Variants in TBC1D22A observed in about 807,000 individuals in gnomAD.
The protein encoded by TBC1D22A is putative GTPase activator.
A neutral mutation model predicts 60.2 loss-of-function variants in TBC1D22A; 38 were observed. The observed-to-expected ratio is 0.63, with a 90% CI of 0.49 to 0.83. The LOEUF (loss-of-function observed/expected upper bound fraction) is 0.83. TBC1D22A is among the 40% of genes least tolerant of loss of function. TBC1D22A has a pLI of 0.00. For missense variants in TBC1D22A, 628 were observed against 701.0 expected (o/e 0.90, Z 1.18); for synonymous variants, 302 against 281.7 (o/e 1.07, Z -0.72).
chr22:46,905,595 G>A (rs958045260), intron 7 of TBC1D22A, among the ~76,000 whole-genome samples: 44 of 152,342 alleles, frequency 2.9e-4, no homozygotes, highest in African/African-American at 9.4e-4. Context: ...GTCGGTTGGC[G>A]GGTGGGGGAC....
chr22:46,974,559 C>CT (rs1569293742), intron 9 of TBC1D22A, among the ~76,000 whole-genome samples, 160 bp downstream of exon 9: 3 of 152,178 alleles, frequency 2.0e-5, no homozygotes, highest in Non-Finnish European at 4.4e-5. Context: ...TCCGGGTTGA[C>CT]GAGGGGTGAG....
rs1486916956 is a variant in TBC1D22A, at chr22:46,763,160, T to A, written c.62+312T>A. ...GGAGGCTGGAAGGAACTGATTCGGG[T>A]CATGCTGTGAAGTTTGGTGGAGTCC... On this transcript the variant is annotated intron_variant, in intron 1 of 12. Transcript: ENST00000337137. 1.7e-5 allele frequency: 6 copies of A among 351,770 alleles called. No homozygotes were observed. The East Asian group carries it at 2.9e-4, about 17-fold the overall frequency. The allele number at this position is 351,770 out of a possible 1,614,324, so 21.8% of individuals were successfully genotyped here.
intron 7 of TBC1D22A, among the ~76,000 whole-genome samples, chr22:46,906,886 T>C (rs2069519005): frequency 6.6e-6 from 1 of 151,988 alleles, no homozygotes; most frequent in Admixed American, 6.6e-5. Context: ...ATGGGCTCTT[T>C]CCTGCGTGTG....
At chr22:47,022,310 G>C (rs773240097) in intron 10 of TBC1D22A, among the ~76,000 whole-genome samples, 3 of 152,166 alleles carry the variant, frequency 2.0e-5, no homozygotes, top group Admixed American at 1.3e-4. Context: ...CAGGACATAA[G>C]GCAGCCGGGC....
chr22:47,020,610 G>C (rs1331984981), intron 10 of TBC1D22A, among the ~76,000 whole-genome samples: 1 of 151,928 alleles, frequency 6.6e-6, no homozygotes, highest in Non-Finnish European at 1.5e-5. Flanking sequence ...TGGAGTTTGG[G>C]GGAATCCTGA....
chr22:46,900,005 G>T (rs932129929), intron 7 of TBC1D22A, among the ~76,000 whole-genome samples: 1 of 150,560 alleles, frequency 6.6e-6, no homozygotes, highest in African/African-American at 2.4e-5. Flanking sequence ...ACAGGTGATG[G>T]CTGGGTCCAC....
At chr22:47,099,332 G>A (rs1244777601) in intron 11 of TBC1D22A, among the ~76,000 whole-genome samples, 2 of 152,228 alleles carry the variant, frequency 1.3e-5, no homozygotes, top group Non-Finnish European at 1.5e-5. Flanking sequence ...GGGGTTGGAG[G>A]AGCCAGGGAG....
At chr22:46,808,966 G>T (rs1465942063) in intron 4 of TBC1D22A, among the ~76,000 whole-genome samples, 2 of 152,194 alleles carry the variant, frequency 1.3e-5, no homozygotes, top group Admixed American at 6.5e-5. Context: ...TGTTCAAATT[G>T]GTCCTAAAGA....
chr22:47,061,681 T>A (rs2063584139), intron 11 of TBC1D22A, among the ~76,000 whole-genome samples: 1 of 152,156 alleles, frequency 6.6e-6, no homozygotes, highest in Admixed American at 6.5e-5. Flanking sequence ...ATCTAGAGAT[T>A]TAGCCAGGAT....
intron 10 of TBC1D22A, among the ~76,000 whole-genome samples, chr22:47,031,282 C>G (rs1338322374): frequency 6.6e-6 from 1 of 152,198 alleles, no homozygotes; most frequent in African/African-American, 2.4e-5. Context: ...GCTTGGAGCC[C>G]GAAGGCTGGA....
chr22:46,789,474 G>A (rs980689590), intron 1 of TBC1D22A: 1 of 358,306 alleles, frequency 2.8e-6, no homozygotes, highest in African/African-American at 2.2e-5. Flanking sequence ...TTGCTTTTGT[G>A]AGTAAACTGT....
chr22:47,004,029 A>G (rs1158495757), intron 10 of TBC1D22A, among the ~76,000 whole-genome samples: 2 of 149,416 alleles, frequency 1.3e-5, no homozygotes, highest in Admixed American at 6.7e-5. Context: ...CTGTATACAC[A>G]CACCTACAGA....
chr22:47,068,906 G>T (rs762760076), intron 11 of TBC1D22A, among the ~76,000 whole-genome samples: 4 of 152,188 alleles, frequency 2.6e-5, no homozygotes, highest in Admixed American at 2.6e-4. Flanking sequence ...ATGAGGTAAG[G>T]AGTTTAGAAA....
At chr22:46,974,262 T>C (rs1247530765) in intron 8 of TBC1D22A, 28 bp from the exon 9 acceptor site, 1 of 1,559,352 alleles carries the variant, frequency 6.4e-7, no homozygotes, top group South Asian at 1.2e-5. Flanking sequence ...TAAGTCTCCT[T>C]GTCTTTTGCA....
chr22:47,092,227 G>A (rs2065005171), intron 11 of TBC1D22A, among the ~76,000 whole-genome samples: 1 of 152,182 alleles, frequency 6.6e-6, no homozygotes, highest in African/African-American at 2.4e-5. Flanking sequence ...CTGTGGGGAA[G>A]CGAGTACCTA....
At chr22:47,056,249 C>G (rs1257195543) in intron 11 of TBC1D22A, among the ~76,000 whole-genome samples, 1 of 151,978 alleles carries the variant, frequency 6.6e-6, no homozygotes, top group Non-Finnish European at 1.5e-5. Context: ...TCCGCATGAC[C>G]TGGGTGCCCT....
intron 12 of TBC1D22A, among the ~76,000 whole-genome samples, chr22:47,151,688 G>A (rs77967754): frequency 0.025 from 3,796 of 152,278 alleles, 144 homozygotes; most frequent in African/African-American, 0.087. Context: ...CATTTCCCCT[G>A]AAGCTCTTTC....
At chr22:46,977,436 C>G (rs944309415) in intron 9 of TBC1D22A, among the ~76,000 whole-genome samples, 10 of 152,146 alleles carry the variant, frequency 6.6e-5, no homozygotes, top group African/African-American at 2.2e-4. Flanking sequence ...CCAAGAAGCT[C>G]AGAGCCTGGT....
chr22:46,783,087 G>A (rs2084010217), intron 1 of TBC1D22A, among the ~76,000 whole-genome samples: 2 of 152,170 alleles, frequency 1.3e-5, no homozygotes, highest in South Asian at 2.1e-4. Flanking sequence ...GTGAGGTCCC[G>A]GTCTCTCTGC....
Sources: allele counts gnomAD v4.1 joint callset (sites outside exome capture counted in the v4.1 genomes callset), GRCh38; gene constraint gnomAD v4.1.1; transcripts MANE v1.5; gene names NCBI Gene and HGNC (gene_info 2026-07-23, HGNC 2026-07-21).